Variants in PRPSAP1 observed in about 807,000 individuals in gnomAD.
The protein encoded by PRPSAP1 is phosphoribosyl pyrophosphate synthetase associated protein 1.
A neutral mutation model predicts 39.4 loss-of-function variants in PRPSAP1; 31 were observed. That is an observed-to-expected ratio of 0.79 (90% CI 0.59 to 1.06). The LOEUF is 1.06. PRPSAP1 is among the 50% of genes least tolerant of loss of function. PRPSAP1 has a pLI of 0.00. For synonymous variants in PRPSAP1, 212 were observed against 192.6 expected (o/e 1.10, Z -0.83); for missense variants, 430 against 511.6 (o/e 0.84, Z 1.54).
chr17:76,322,081 T>A lies in PRPSAP1; in HGVS notation c.781+6636A>T, dbSNP rs1208115873. ...AGTTACTCCGAAGATCTAACTAAGA[T>A]AATTGATAAAAGTTCAAACAATATC... On this transcript the variant is annotated intron_variant, in intron 7 of 9. Transcript: ENST00000446526. Among the ~76,000 whole-genome samples, 3 of 152,204 alleles carry A rather than the reference T, an allele frequency of 2.0e-5. No individual in the cohort carries two copies. The East Asian group carries it at 5.8e-4, about 29-fold the overall frequency.
intron 7 of PRPSAP1, among the ~76,000 whole-genome samples, chr17:76,315,601 G>C (rs1473194142): frequency 2.0e-5 from 3 of 151,948 alleles, no homozygotes; most frequent in Non-Finnish European, 2.9e-5. Context: ...ACTTAAAATG[G>C]GGGGAGGGGG....
chr17:76,318,244 T>TA (rs2143460252), intron 7 of PRPSAP1, among the ~76,000 whole-genome samples: 2 of 152,206 alleles, frequency 1.3e-5, no homozygotes, highest in East Asian at 3.9e-4. Flanking sequence ...GGTCAGGAGT[T>TA]AGAGACCAGC....
At chr17:76,315,700 CTTTTTTTTTTTTTTT>C (rs71161279) in intron 7 of PRPSAP1, among the ~76,000 whole-genome samples, 8 of 72,642 alleles carry the variant, frequency 1.1e-4, no homozygotes, top group South Asian at 5.1e-4. Flanking sequence ...GACCTATCCG[CTTTTTTTTTTTTTTT>C]TTTTTTTTTT....
intron 7 of PRPSAP1, among the ~76,000 whole-genome samples, chr17:76,318,382 G>A (rs1252661120): frequency 1.3e-5 from 2 of 152,238 alleles, no homozygotes; most frequent in East Asian, 1.9e-4. Flanking sequence ...CCTGGGAGGC[G>A]GAGGTGGCAG....
chr17:76,353,516 C>T lies in PRPSAP1; in HGVS notation c.170+18G>A. On this transcript the variant is annotated intron_variant, in intron 1 of 9. Transcript: ENST00000446526. ...AGGCGCCGCCGCCCCCGGCCCGGCC[C>T]TCCCACCGCCCCCTTACTCTGTGAT... 6.7e-7 allele frequency: 1 copy of T among 1,486,358 alleles called. No homozygotes were observed. Among genetic ancestry groups the T allele is most frequent in the Non-Finnish European group, 8.9e-7 (1 of 1,122,458 alleles). 92.1% of individuals were successfully genotyped at this position (1,486,358 alleles called of 1,614,324 possible). A position where few individuals can be genotyped will look rare whatever the true frequency, so the allele number is the denominator to read the frequency against.
chr17:76,311,615 G>T lies in PRPSAP1; in HGVS notation c.1085C>A (p.Ser362Tyr). Residue 362 changes from serine (S) to tyrosine (Y), a missense_variant, in exon 10 of 10, where the codon TCT becomes TAT. This residue lies in a region of PRPSAP1 where 278 missense variants were observed against 376.3 expected (regional missense o/e 0.74). Coordinates refer to ENST00000446526, the MANE Select transcript of PRPSAP1 (RefSeq NM_002766.3). Reference protein sequence around the residue: ...IKTVDISLILSEAIRRIHNGE... With the variant: ...IKTVDISLILYEAIRRIHNGE... ...ATTGTGGATTCTCCGAATGGCTTCAGAAAGAATCAAACTGATATCCACAGT... is the reference window on the plus strand; with the variant it reads ...ATTGTGGATTCTCCGAATGGCTTCATAAAGAATCAAACTGATATCCACAGT... 1 of 1,614,194 alleles carries T rather than the reference G, an allele frequency of 6.2e-7. No individual in the cohort carries two copies. The highest frequency in any genetic ancestry group is 2.2e-5 in the East Asian group (1 of 44,882).
chr17:76,321,647 T>G (rs77171513), intron 7 of PRPSAP1, among the ~76,000 whole-genome samples: 1 of 152,160 alleles, frequency 6.6e-6, no homozygotes, highest in African/African-American at 2.4e-5. Context: ...ATATTGAAAT[T>G]AGGCCAATAA....
At chr17:76,333,850 G>GCATTCATT (rs58262193) in intron 3 of PRPSAP1, among the ~76,000 whole-genome samples, 263 of 151,396 alleles carry the variant, frequency 1.7e-3, no homozygotes, top group South Asian at 3.8e-3. Flanking sequence ...TGTAGACTCT[G>GCATTCATT]CATTCATTCA....
intron 3 of PRPSAP1, among the ~76,000 whole-genome samples, chr17:76,333,751 T>C (rs893638843): frequency 2.6e-5 from 4 of 152,070 alleles, no homozygotes; most frequent in Admixed American, 6.6e-5. Context: ...AAAAATGAAA[T>C]ATGAATCTGG....
intron 2 of PRPSAP1, chr17:76,345,877 G>A (rs1162032834): frequency 4.8e-6 from 2 of 416,134 alleles, no homozygotes; most frequent in Non-Finnish European, 9.3e-6. Context: ...TAAGGGAGAT[G>A]AGGCCAAGGT....
intron 3 of PRPSAP1, among the ~76,000 whole-genome samples, chr17:76,332,801 C>T (rs1295683428): frequency 4.6e-5 from 7 of 152,170 alleles, no homozygotes; most frequent in Non-Finnish European, 7.4e-5. Context: ...AGCTTGAATG[C>T]CAAGGGAAAC....
At chr17:76,340,927 G>T (rs957959628) in intron 3 of PRPSAP1, among the ~76,000 whole-genome samples, 3 of 150,712 alleles carry the variant, frequency 2.0e-5, no homozygotes, top group African/African-American at 4.9e-5. Context: ...GCGGGGGGTA[G>T]GGGGGGACTG....
chr17:76,330,107 G>C lies in PRPSAP1; in HGVS notation c.580-9C>G. On this transcript the variant is annotated splice_polypyrimidine_tract_variant and intron_variant, in intron 5 of 9. Transcript: ENST00000446526. ...TTTCTGTAATTTGGAATCTAGATTT[G>C]AAGGAAAAATAGAAAATACTGAAAA... 1.9e-6 allele frequency: 3 copies of C among 1,609,566 alleles called. No individual in the cohort carries two copies. Among genetic ancestry groups the C allele is most frequent in the African/African-American group, 1.3e-5 (1 of 74,916 alleles).
intron 4 of PRPSAP1, among the ~76,000 whole-genome samples, chr17:76,331,787 A>G (rs1306223817): frequency 6.6e-6 from 1 of 152,196 alleles, no homozygotes; most frequent in Non-Finnish European, 1.5e-5. Flanking sequence ...ATTGATTTAC[A>G]GGCCAGAAAG....
At chr17:76,316,778 C>T (rs8078771) in intron 7 of PRPSAP1, among the ~76,000 whole-genome samples, 19,305 of 152,252 alleles carry the variant, frequency 0.13, 2,873 homozygotes, top group African/African-American at 0.36. Context: ...ATTTCCAATG[C>T]TCTTATGAAG....
intron 3 of PRPSAP1, among the ~76,000 whole-genome samples, chr17:76,333,644 C>CA (rs1396645013): frequency 9.6e-5 from 14 of 146,508 alleles, no homozygotes; most frequent in African/African-American, 3.1e-4. Flanking sequence ...GGCTCTGTCT[C>CA]AAAAAACAAA....
chr17:76,353,693 T>A lies in PRPSAP1; in HGVS notation c.11A>T (p.Lys4Met). The A allele has an allele frequency of 6.7e-7, 1 of 1,487,028 alleles. No homozygotes were observed. The highest frequency in any genetic ancestry group is 1.3e-5 in the South Asian group (1 of 76,730). The allele number at this position is 1,487,028 out of a possible 1,614,324, so 92.1% of individuals were successfully genotyped here. A position where few individuals can be genotyped will look rare whatever the true frequency, so the allele number is the denominator to read the frequency against. The part of the protein sequence containing the change: MPK[K>M]LLLLPPPSAS... ...GGAGGGCGGGGGCAACAGCAGCAGC[T>A]TCTTGGGCATCGTCCGGCCCGCGGC... The change falls in exon 1 of 10, where the codon AAG becomes ATG. Residue 4 changes from lysine to methionine, a missense_variant. Transcript: ENST00000446526.
At chr17:76,313,038 T>TTGG (rs745653538) in intron 8 of PRPSAP1, 22 bp from the exon 9 acceptor site, 30 of 1,610,720 alleles carry the variant, frequency 1.9e-5, no homozygotes, top group Non-Finnish European at 2.5e-5. Flanking sequence ...ACAGAGTGAG[T>TTGG]TGGTAGGAAA....
chr17:76,346,374 A>G (rs1886483311), intron 2 of PRPSAP1, among the ~76,000 whole-genome samples: 1 of 152,136 alleles, frequency 6.6e-6, no homozygotes, highest in Admixed American at 6.6e-5. Flanking sequence ...TTTGACACAC[A>G]TGGCCACCTC....
Sources: allele counts gnomAD v4.1 joint callset (sites outside exome capture counted in the v4.1 genomes callset), GRCh38; gene constraint gnomAD v4.1.1; regional missense constraint gnomAD v4.1.1; transcripts MANE v1.5; gene names NCBI Gene and HGNC (gene_info 2026-07-23, HGNC 2026-07-21).